The following WWOX variants were observed in gnomAD, a reference collection of about 807,000 sequenced individuals.
WWOX encodes WW domain containing oxidoreductase.
Under a neutral mutation model 46.2 loss-of-function variants are expected in WWOX, and 69 were observed. The ratio of observed to expected loss-of-function variants is 1.49; its 90% CI spans 1.23 to 1.82. The LOEUF (loss-of-function observed/expected upper bound fraction) is 1.82. Ranked by LOEUF, WWOX falls within the 40% of genes most tolerant of loss-of-function variation. WWOX has a pLI of 0.00. For synonymous variants in WWOX, 359 were observed against 202.6 expected, an observed-to-expected ratio of 1.77 and a Z score of -6.56; for missense variants, 919 against 542.6, an observed-to-expected ratio of 1.69 and a Z score of -6.89.
chr16:78,853,486 A>G (rs568402369), intron 8 of WWOX, among the ~76,000 whole-genome samples: 1 of 152,336 alleles, frequency 6.6e-6, no homozygotes, highest in East Asian at 1.9e-4. Flanking sequence ...ATCAAAATCC[A>G]GAAATCCAGT....
At chr16:78,727,792 G>A (rs1181724632) in intron 8 of WWOX, among the ~76,000 whole-genome samples, 2 of 152,028 alleles carry the variant, frequency 1.3e-5, no homozygotes, top group African/African-American at 4.8e-5. Flanking sequence ...GTGAGACAGG[G>A]AATGGTAGAG....
At chr16:79,168,685 C>G (rs1019122436) in intron 8 of WWOX, among the ~76,000 whole-genome samples, 2 of 152,098 alleles carry the variant, frequency 1.3e-5, no homozygotes, top group South Asian at 4.1e-4. Context: ...TCTTACCTGG[C>G]TTTTGTGAAG....
intron 5 of WWOX, chr16:78,278,656 G>C: frequency 6.2e-7 from 1 of 1,609,034 alleles, no homozygotes; most frequent in Non-Finnish European, 8.5e-7. Flanking sequence ...TTTTCCACTA[G>C]CAAAAGAAGG....
intron 4 of WWOX, among the ~76,000 whole-genome samples, chr16:78,144,180 C>A (rs185150685): frequency 6.1e-4 from 92 of 151,880 alleles, no homozygotes; most frequent in African/African-American, 2.1e-3. Flanking sequence ...TTGTCTATTA[C>A]AAGCTGTTTT....
At chr16:78,422,250 GAGC>G (rs1171688025) in intron 6 of WWOX, among the ~76,000 whole-genome samples, 1 of 152,122 alleles carries the variant, frequency 6.6e-6, no homozygotes, top group Non-Finnish European at 1.5e-5. Flanking sequence ...CTGTTTTAGA[GAGC>G]AGAAGATTTT....
At chr16:78,797,455 C>A (rs1433850810) in intron 8 of WWOX, among the ~76,000 whole-genome samples, 1 of 151,536 alleles carries the variant, frequency 6.6e-6, no homozygotes, top group African/African-American at 2.4e-5. Context: ...TAAAGTAGAC[C>A]CATTCCCATT....
chr16:78,691,999 A>G (rs1318329690), intron 8 of WWOX, among the ~76,000 whole-genome samples: 1 of 151,822 alleles, frequency 6.6e-6, no homozygotes, highest in Non-Finnish European at 1.5e-5. Flanking sequence ...CTTCTTCCTC[A>G]TTTTCTCTTG....
intron 8 of WWOX, among the ~76,000 whole-genome samples, chr16:79,186,418 G>T (rs968034724): frequency 2.0e-5 from 3 of 152,158 alleles, no homozygotes; most frequent in African/African-American, 7.2e-5. Context: ...GCTTGCAGCT[G>T]CAACTATCTG....
intron 8 of WWOX, among the ~76,000 whole-genome samples, chr16:79,160,004 G>A (rs751844566): frequency 7.9e-5 from 12 of 152,268 alleles, no homozygotes; most frequent in Non-Finnish European, 1.0e-4. Context: ...ACTTTGACCC[G>A]TCATTATTTC....
intron 6 of WWOX, among the ~76,000 whole-genome samples, chr16:78,406,371 T>TTGA (rs2082545262): frequency 7.3e-6 from 1 of 136,266 alleles, no homozygotes; most frequent in African/African-American, 2.7e-5. Flanking sequence ...TATTTTTTTT[T>TTGA]GAGACGGAGT....
At chr16:79,128,238 C>G (rs2049800585) in intron 8 of WWOX, among the ~76,000 whole-genome samples, 2 of 152,294 alleles carry the variant, frequency 1.3e-5, no homozygotes, top group Non-Finnish European at 1.5e-5. Context: ...ATGTCACTTA[C>G]TCCTGATCCC....
intron 8 of WWOX, among the ~76,000 whole-genome samples, chr16:78,561,523 C>G (rs139590692): frequency 1.5e-4 from 23 of 151,844 alleles, no homozygotes; most frequent in Non-Finnish European, 2.8e-4. Context: ...AGAATGCATG[C>G]GTACACCATG....
chr16:78,906,415 C>G (rs1291915861), intron 8 of WWOX, among the ~76,000 whole-genome samples: 1 of 152,132 alleles, frequency 6.6e-6, no homozygotes, highest in South Asian at 2.1e-4. Context: ...ACTTTCCCTC[C>G]CCAACCCTCC....
At chr16:78,309,699 C>T (rs1337161365) in intron 5 of WWOX, among the ~76,000 whole-genome samples, 4 of 152,154 alleles carry the variant, frequency 2.6e-5, no homozygotes, top group African/African-American at 7.2e-5. Flanking sequence ...TTTAGAGTTT[C>T]ACTCTTTCAA....
chr16:78,112,717 A>G (rs942440052), intron 3 of WWOX, among the ~76,000 whole-genome samples: 1 of 40,024 alleles, frequency 2.5e-5, no homozygotes, highest in East Asian at 5.7e-4. Flanking sequence ...TTTTTTTTTT[A>G]TACTGGGTCT....
intron 3 of WWOX, among the ~76,000 whole-genome samples, chr16:78,113,089 C>T (rs145467270): frequency 1.3e-5 from 2 of 152,268 alleles, no homozygotes; most frequent in African/African-American, 2.4e-5. Flanking sequence ...AAAGTTACTC[C>T]CTGAAATGGG....
At chr16:79,082,305 T>C (rs1327919238) in intron 8 of WWOX, among the ~76,000 whole-genome samples, 1 of 152,202 alleles carries the variant, frequency 6.6e-6, no homozygotes, top group Non-Finnish European at 1.5e-5. Context: ...CCGTTTCTGC[T>C]TCTTCCCAGG....
intron 8 of WWOX, among the ~76,000 whole-genome samples, chr16:78,710,490 A>ATATATATATT (rs1567507558): frequency 7.4e-6 from 1 of 134,696 alleles, no homozygotes; most frequent in Non-Finnish European, 1.6e-5. Flanking sequence ...ATATATATAT[A>ATATATATATT]TATATATATT....
rs142842102 is a variant in WWOX at position 78,483,890 on chromosome 16, G to C, written c.1056+51138G>C. Among the ~76,000 whole-genome samples, 101 of 152,286 alleles carry C rather than the reference G, an allele frequency of 6.6e-4. 1 individual carries two copies. Among genetic ancestry groups the C allele is most frequent in the African/African-American group, 2.3e-3 (97 of 41,560 alleles). Reference sequence around the variant, plus strand: ...ACTTTGCTCACAAAAACATCTTGTGGTCAACAGTGGGGCTTAGGGGGCAGG... The same window carrying C: ...ACTTTGCTCACAAAAACATCTTGTGCTCAACAGTGGGGCTTAGGGGGCAGG... On this transcript the variant is annotated intron_variant, in intron 8 of 8. Coordinates refer to ENST00000566780, the MANE Select transcript of WWOX (RefSeq NM_016373.4).
Sources: allele counts gnomAD v4.1 joint callset (sites outside exome capture counted in the v4.1 genomes callset), GRCh38; gene constraint gnomAD v4.1.1; transcripts MANE v1.5; gene names NCBI Gene and HGNC (gene_info 2026-07-23, HGNC 2026-07-21).